The following RPTOR variants were observed in gnomAD, a reference collection of about 807,000 sequenced individuals.
RPTOR encodes the protein regulatory-associated protein of mTOR.
A neutral mutation model predicts 169.9 loss-of-function variants in RPTOR; 21 were observed. That is an observed-to-expected ratio of 0.12 (90% CI 0.09 to 0.18). The LOEUF is 0.18. RPTOR is among the 10% of genes least tolerant of loss of function. The pLI is 1.00. For missense variants in RPTOR, 1,133 were observed against 1,855.9 expected (o/e 0.61, Z 7.16); for synonymous variants, 732 against 753.2 (o/e 0.97, Z 0.46).
intron 4 of RPTOR, among the ~76,000 whole-genome samples, chr17:80,710,242 G>T (rs571099775): frequency 6.6e-6 from 1 of 152,072 alleles, no homozygotes; most frequent in Admixed American, 6.6e-5. Context: ...TAATCCTCCT[G>T]CCTCAGCCTC....
At chr17:80,598,291 C>T (rs1379866194) in intron 1 of RPTOR, among the ~76,000 whole-genome samples, 3 of 152,094 alleles carry the variant, frequency 2.0e-5, no homozygotes, top group South Asian at 2.1e-4. Flanking sequence ...GGTAAAGAGA[C>T]CACAGCAGAG....
chr17:80,905,179 GTT>G (rs56239682), intron 20 of RPTOR, among the ~76,000 whole-genome samples: 83,094 of 149,600 alleles, frequency 0.56, 23,153 homozygotes, highest in African/African-American at 0.64. Flanking sequence ...ATGCTCTCTT[GTT>G]TTTTTTTTTA....
chr17:80,911,127 G>C (rs2068608216), intron 21 of RPTOR, among the ~76,000 whole-genome samples: 1 of 152,198 alleles, frequency 6.6e-6, no homozygotes, highest in Non-Finnish European at 1.5e-5. Context: ...CACTGCGCCT[G>C]GCCTGTTCTT....
intron 10 of RPTOR, among the ~76,000 whole-genome samples, chr17:80,841,321 G>A (rs1269662033): frequency 8.2e-5 from 8 of 98,078 alleles, no homozygotes; most frequent in East Asian, 3.6e-4. Flanking sequence ...CACACTCACC[G>A]CACGGCAGCT....
intron 6 of RPTOR, among the ~76,000 whole-genome samples, chr17:80,770,976 C>T (rs1237061020): frequency 6.6e-6 from 1 of 152,240 alleles, no homozygotes; most frequent in African/African-American, 2.4e-5. Flanking sequence ...CGGGGCAGTC[C>T]CCTGCCTTCC....
intron 3 of RPTOR, among the ~76,000 whole-genome samples, chr17:80,682,252 C>T (rs902671878): frequency 5.9e-5 from 9 of 151,916 alleles, no homozygotes; most frequent in African/African-American, 1.9e-4. Context: ...TACAGACCTG[C>T]GCCACCACAC....
chr17:80,626,498 A>G (rs2065395355), intron 2 of RPTOR, among the ~76,000 whole-genome samples: 1 of 152,134 alleles, frequency 6.6e-6, no homozygotes. Context: ...CACATAATGG[A>G]TCATGGCCCA....
intron 20 of RPTOR, among the ~76,000 whole-genome samples, chr17:80,904,443 ATTC>A (rs1217946124): frequency 3.3e-5 from 5 of 152,190 alleles, no homozygotes; most frequent in African/African-American, 1.2e-4. Context: ...AGCTTCTGGG[ATTC>A]AGAGTCAGCC....
chr17:80,841,692 ATCTCAC>A (rs1312138000), intron 10 of RPTOR, among the ~76,000 whole-genome samples: 1 of 128,148 alleles, frequency 7.8e-6, no homozygotes, highest in Non-Finnish European at 1.6e-5. Context: ...ACCGCACGGC[ATCTCAC>A]TCTCACCGCA....
intron 3 of RPTOR, among the ~76,000 whole-genome samples, chr17:80,685,635 T>TA (rs1252139786): frequency 3.7e-4 from 18 of 48,892 alleles, no homozygotes; most frequent in Admixed American, 8.4e-4. Flanking sequence ...ATATTTTTTT[T>TA]TTTTTTTTTT....
At chr17:80,716,155 A>C (rs532431118) in intron 4 of RPTOR, among the ~76,000 whole-genome samples, 2 of 152,332 alleles carry the variant, frequency 1.3e-5, no homozygotes, top group African/African-American at 4.8e-5. Flanking sequence ...TGTTTTCCAT[A>C]GTGGCTGTAC....
chr17:80,924,672 G>A (rs577487967), intron 23 of RPTOR, among the ~76,000 whole-genome samples: 5 of 151,840 alleles, frequency 3.3e-5, no homozygotes, highest in African/African-American at 1.2e-4. Context: ...CCCCCGGGGT[G>A]GGGGGGATGC....
chr17:80,550,939 G>A (rs2143208055), intron 1 of RPTOR, among the ~76,000 whole-genome samples: 1 of 152,282 alleles, frequency 6.6e-6, no homozygotes, highest in Non-Finnish European at 1.5e-5. Context: ...TCAGGCTGGA[G>A]TGCAATGGCG....
chr17:80,867,820 G>T (rs775473960), intron 13 of RPTOR, among the ~76,000 whole-genome samples: 2 of 152,130 alleles, frequency 1.3e-5, no homozygotes, highest in Non-Finnish European at 1.5e-5. Flanking sequence ...AGGTGGGCAA[G>T]ATCTGTACAC....
intron 4 of RPTOR, among the ~76,000 whole-genome samples, chr17:80,727,288 G>A (rs1229078765): frequency 6.7e-6 from 1 of 149,774 alleles, no homozygotes; most frequent in Admixed American, 6.6e-5. Context: ...CGTGGACGCT[G>A]CACCTCTGAC....
intron 2 of RPTOR, among the ~76,000 whole-genome samples, chr17:80,638,328 T>G (rs1361733406): frequency 1.3e-5 from 2 of 152,050 alleles, no homozygotes; most frequent in Non-Finnish European, 2.9e-5. Context: ...CCGTATGCTC[T>G]GTGCACACAG....
At chr17:80,836,085 C>T (rs1199330399) in intron 9 of RPTOR, among the ~76,000 whole-genome samples, 1 of 152,130 alleles carries the variant, frequency 6.6e-6, no homozygotes, top group Admixed American at 6.5e-5. Context: ...CGCCCAGAGC[C>T]CCAGAGCCAC....
At chr17:80,810,092 TAAAAC>T (rs2067259019) in intron 7 of RPTOR, among the ~76,000 whole-genome samples, 1 of 148,532 alleles carries the variant, frequency 6.7e-6, no homozygotes, top group South Asian at 2.1e-4. Flanking sequence ...AATAAATAAA[TAAAAC>T]AGTCTTTTGA....
At chr17:80,916,190 A>G (rs1419003577) in intron 21 of RPTOR, among the ~76,000 whole-genome samples, 2 of 152,186 alleles carry the variant, frequency 1.3e-5, no homozygotes, top group Non-Finnish European at 2.9e-5. Flanking sequence ...AGAGAAGAGA[A>G]AAGGAGAGAA....
Sources: gnomAD v4.1 joint callset for allele counts (sites outside exome capture counted in the v4.1 genomes callset) on GRCh38, gnomAD v4.1.1 for gene constraint, MANE v1.5 for transcripts, NCBI Gene and HGNC (gene_info 2026-07-23, HGNC 2026-07-21) for gene names.